VAV2: variants seen among roughly 807,000 people sequenced by gnomAD.
The protein encoded by VAV2 is vav guanine nucleotide exchange factor 2, also known as guanine nucleotide exchange factor VAV2.
In VAV2, 67 loss-of-function variants were observed where a neutral mutation model predicts 132.5. That is an observed-to-expected ratio of 0.51 (90% CI 0.42 to 0.62). The LOEUF is 0.62. Among genes scored for constraint, VAV2 ranks in the 20% least tolerant of loss-of-function variants. The probability of loss-of-function intolerance (pLI) is 0.00; values close to 1 mark genes in which losing one functional copy is unlikely to be tolerated. For synonymous variants in VAV2, 492 were observed against 443.5 expected (o/e 1.11, Z -1.37); for missense variants, 938 against 1,153.6 (o/e 0.81, Z 2.71).
Position 133,992,255 on chromosome 9 carries a change from G to A in VAV2, c.24C>T (p.Gly8=), listed in dbSNP as rs1234312627. 5 of 1,570,126 alleles carry A rather than the reference G, an allele frequency of 3.2e-6. No individual in the cohort carries two copies. The highest frequency in any genetic ancestry group is 1.2e-5 in the South Asian group (1 of 86,370). ...GGACCTTGCAATCGATGAGCCAGCG[G>A]CCGCACTGCCGCCACTGCTCCATGG... MEQWRQC[G]RWLIDCKVLP... Residue 8 remains glycine, a synonymous_variant, in exon 1 of 30, where the codon GGC becomes GGT. Transcript: ENST00000371850. This position sits in a 1 kb window ranked among gnomAD's most constrained non-coding sequence, Gnocchi z 5.5.
At chr9:133,947,469 G>T (rs1481244618) in intron 1 of VAV2, among the ~76,000 whole-genome samples, 1 of 152,184 alleles carries the variant, frequency 6.6e-6, no homozygotes, top group Non-Finnish European at 1.5e-5. Flanking sequence ...GGAGGCCAAG[G>T]CGGGTGGATC....
rs1395901348 is a variant in VAV2, at chr9:133,823,014, G to T, written c.450-10798C>A. Among the ~76,000 whole-genome samples the T allele has an allele frequency of 1.3e-5, 2 of 152,324 alleles. No individual in the cohort carries two copies. The highest frequency in any genetic ancestry group is 4.8e-5 in the African/African-American group (2 of 41,572). ...GAGTTGTGAGGGCTGAGATGAAGCG[G>T]CAAAGCCCAGGGCCTGGCTCTCAGG... On this transcript the variant is annotated intron_variant, in intron 4 of 29. Coordinates refer to ENST00000371850, the MANE Select transcript of VAV2 (RefSeq NM_001134398.2). This position sits in a 1 kb window ranked among gnomAD's most constrained non-coding sequence, Gnocchi z 5.5.
chr9:133,803,086 G>A (rs192025372), intron 9 of VAV2, among the ~76,000 whole-genome samples: 1 of 152,060 alleles, frequency 6.6e-6, no homozygotes, highest in East Asian at 1.9e-4. Flanking sequence ...CTTGGGCTTC[G>A]GGTAGGAACC....
intron 2 of VAV2, among the ~76,000 whole-genome samples, chr9:133,929,763 C>T (rs1162324642): frequency 1.3e-5 from 2 of 152,178 alleles, no homozygotes; most frequent in South Asian, 2.1e-4. Context: ...GCGGCCTGTC[C>T]CCACCACCAG....
At chr9:133,832,595 G>A (rs1388131944) in intron 4 of VAV2, among the ~76,000 whole-genome samples, 2 of 151,108 alleles carry the variant, frequency 1.3e-5, no homozygotes, top group Admixed American at 6.6e-5. Flanking sequence ...TTTCACTCTT[G>A]TCGCCCAGGC....
At chr9:133,872,024 C>T (rs980466592) in intron 2 of VAV2, among the ~76,000 whole-genome samples, 2 of 152,214 alleles carry the variant, frequency 1.3e-5, no homozygotes, top group Non-Finnish European at 2.9e-5. Flanking sequence ...GAAGGTTCTC[C>T]CAGCTGGAAT....
At position 133,934,977 on chromosome 9, in the gene VAV2, C is replaced by T. The variant is rs375301682; in HGVS notation, c.321+4126G>A. 4.3e-4 allele frequency among the ~76,000 whole-genome samples: 66 copies of T among 152,270 alleles called. 1 individual carries two copies. In the South Asian group the frequency reaches 0.013, roughly 29 times the overall value. On this transcript the variant is annotated intron_variant, in intron 2 of 29. Transcript: ENST00000371850. ...ACAAGGAGTAAGAGAGTCAGCTCTG[C>T]CCCTGGTAGCCCTGGAGTCCCCAGC... is the stretch of plus-strand genomic sequence containing the variant.
rs190899641 is a variant in VAV2, at chr9:133,847,485, T to C, written c.381-13145A>G. On this transcript the variant is annotated intron_variant, in intron 3 of 29. Coordinates refer to ENST00000371850, the MANE Select transcript of VAV2 (RefSeq NM_001134398.2). The stretch of plus-strand genomic sequence containing the variant: ...CTCTCCTGTCCCCAGGGTCAGCAGA[T>C]GACGCATGAGGCTGGTTTTCTCAGC... Among the ~76,000 whole-genome samples, 22 of 152,264 alleles carry C rather than the reference T, an allele frequency of 1.4e-4. No individual in the cohort carries two copies. The East Asian group carries it at 3.9e-3, about 27-fold the overall frequency.
chr9:133,891,309 T>G (rs1277321740), intron 2 of VAV2, among the ~76,000 whole-genome samples: 11 of 48,770 alleles, frequency 2.3e-4, no homozygotes, highest in South Asian at 1.9e-3. Flanking sequence ...GGATGGGGGA[T>G]GGAGGGGGAG....
At chr9:133,899,406 ATATTT>A (rs1839351290) in intron 2 of VAV2, among the ~76,000 whole-genome samples, 1 of 151,280 alleles carries the variant, frequency 6.6e-6, no homozygotes, top group Non-Finnish European at 1.5e-5. Context: ...AAAATTTAAT[ATATTT>A]TATTTATTTA....
At chr9:133,843,357 G>A (rs752033000) in intron 3 of VAV2, among the ~76,000 whole-genome samples, 3 of 152,182 alleles carry the variant, frequency 2.0e-5, no homozygotes, top group Non-Finnish European at 4.4e-5. Context: ...TCAGAGCTCT[G>A]ACTTTGTTTG....
chr9:133,948,753 G>A (rs1446221669), intron 1 of VAV2, among the ~76,000 whole-genome samples: 3 of 152,250 alleles, frequency 2.0e-5, no homozygotes, highest in Non-Finnish European at 4.4e-5. Context: ...CGCCCGCTGA[G>A]TCCGTGCCTG....
At chr9:133,874,524 G>A (rs193105186) in intron 2 of VAV2, among the ~76,000 whole-genome samples, 68 of 152,286 alleles carry the variant, frequency 4.5e-4, no homozygotes, top group Admixed American at 4.1e-3. Flanking sequence ...TGCCTAGCGC[G>A]TGAGTCACTG....
At chr9:133,909,765 A>G (rs925253250) in intron 2 of VAV2, among the ~76,000 whole-genome samples, 1 of 152,186 alleles carries the variant, frequency 6.6e-6, no homozygotes, top group Non-Finnish European at 1.5e-5. Flanking sequence ...TCTATTTGGA[A>G]ACTGCGCCTG....
In VAV2 at chr9:133,916,627, G is replaced by A. The variant is rs146485811; in HGVS notation, c.321+22476C>T. ...ACAGAGAAAGGGAGAGAGAAGAGCC[G>A]GGAGTGCCTGTGTATTGATCCCAGA... On this transcript the variant is annotated intron_variant, in intron 2 of 29. Coordinates refer to ENST00000371850, the MANE Select transcript of VAV2 (RefSeq NM_001134398.2). Among the ~76,000 whole-genome samples the A allele has an allele frequency of 8.3e-4, 127 of 152,234 alleles. No homozygotes were observed. The East Asian group carries it at 0.019, about 22-fold the overall frequency.
chr9:133,976,001 G>T (rs1206410864), intron 1 of VAV2, among the ~76,000 whole-genome samples: 1 of 151,322 alleles, frequency 6.6e-6, no homozygotes, highest in Non-Finnish European at 1.5e-5. Context: ...TTCAAGACCA[G>T]CCTGGACAAG....
rs1056685389 is a variant in VAV2 at position 133,969,970 on chromosome 9, C to T, written c.204+22105G>A. ...GGATGAAGCCGGCCCTGCCTCCCTG[C>T]AGCCTTCAAGGCAGTGACTCAGAGT... On this transcript the variant is annotated intron_variant, in intron 1 of 29. Transcript: ENST00000371850. This position sits in a 1 kb window ranked among gnomAD's most constrained non-coding sequence, Gnocchi z 5.1. Among the ~76,000 whole-genome samples, 4 of 152,146 alleles carry T rather than the reference C, an allele frequency of 2.6e-5. No individual in the cohort carries two copies. The highest frequency in any genetic ancestry group is 5.9e-5 in the Non-Finnish European group (4 of 68,002).
At chr9:133,940,077 G>A (rs1007262161) in intron 1 of VAV2, among the ~76,000 whole-genome samples, 1 of 152,174 alleles carries the variant, frequency 6.6e-6, no homozygotes, top group African/African-American at 2.4e-5. Flanking sequence ...CGGGGGGCAC[G>A]CTCTGGAATC....
At chr9:133,946,533 T>C (rs890496491) in intron 1 of VAV2, among the ~76,000 whole-genome samples, 2 of 152,236 alleles carry the variant, frequency 1.3e-5, no homozygotes, top group African/African-American at 2.4e-5. Context: ...CAGACATAGA[T>C]AGACATAGTG....
Sources: gnomAD v4.1 joint callset for allele counts (sites outside exome capture counted in the v4.1 genomes callset) on GRCh38, gnomAD v4.1.1 for gene constraint, Gnocchi (gnomAD v3.1) non-coding constraint, MANE v1.5 for transcripts, NCBI Gene and HGNC (gene_info 2026-07-23, HGNC 2026-07-21) for gene names.